Variants in OLFM1 observed in about 807,000 individuals in gnomAD.
OLFM1 encodes noelin.
In OLFM1, 9 loss-of-function variants were observed where a neutral mutation model predicts 49.7. That is an observed-to-expected ratio of 0.18 (90% CI 0.11 to 0.32). The LOEUF (loss-of-function observed/expected upper bound fraction) is 0.32. Among genes scored for constraint, OLFM1 ranks in the 10% least tolerant of loss-of-function variants. The pLI, the probability that OLFM1 is intolerant of heterozygous loss-of-function variation, is 1.00. For synonymous variants in OLFM1, 240 were observed against 271.8 expected, an observed-to-expected ratio of 0.88 and a Z score of 1.15; for missense variants, 369 against 661.8, an observed-to-expected ratio of 0.56 and a Z score of 4.85.
chr9:135,077,074 G>A, intron 1 of OLFM1: 3 of 1,364,192 alleles, frequency 2.2e-6, no homozygotes, highest in Non-Finnish European at 2.9e-6. Flanking sequence ...TCTAGGAGAG[G>A]TTTTCTTGGC....
At chr9:135,091,491 ACACACACATTCACACAGTCT>A (rs1830685986) in intron 2 of OLFM1, among the ~76,000 whole-genome samples, 1 of 147,880 alleles carries the variant, frequency 6.8e-6, no homozygotes, top group South Asian at 2.2e-4. Flanking sequence ...ACACATAGTC[ACACACACATTCACACAGTCT>A]CACACACACA....
chr9:135,114,135 T>TTTTC, intron 5 of OLFM1, among the ~76,000 whole-genome samples: 1 of 115,696 alleles, frequency 8.6e-6, no homozygotes, highest in South Asian at 2.8e-4. Context: ...TTTTTTTTTT[T>TTTTC]TTTTTTTTTT....
chr9:135,083,494 C>T (rs1830558066), upstream of OLFM1, among the ~76,000 whole-genome samples: 1 of 152,176 alleles, frequency 6.6e-6, no homozygotes, highest in Non-Finnish European at 1.5e-5. Flanking sequence ...GAGGAAACGT[C>T]CCCCAGCAAC....
intron 3 of OLFM1, among the ~76,000 whole-genome samples, chr9:135,097,297 T>C (rs1258215295): frequency 6.6e-6 from 1 of 152,214 alleles, no homozygotes; most frequent in East Asian, 1.9e-4. Flanking sequence ...CCGATTGTGC[T>C]CATCAGAGGC....
chr9:135,086,819 C>A (rs1830603227), upstream of OLFM1: 1 of 429,866 alleles, frequency 2.3e-6, no homozygotes, highest in Non-Finnish European at 4.7e-6. Context: ...TCGAGCGCCA[C>A]CCCTGAGTCA....
chr9:135,095,708 G>A (rs754076228), intron 2 of OLFM1, among the ~76,000 whole-genome samples, 156 bp from the exon 3 acceptor site: 3 of 152,118 alleles, frequency 2.0e-5, no homozygotes, highest in Admixed American at 6.6e-5. Context: ...CTCACAGTCC[G>A]CGATGCTGGC....
intron 1 of OLFM1, chr9:135,077,475 T>A: frequency 2.2e-6 from 1 of 446,982 alleles, no homozygotes; most frequent in Non-Finnish European, 3.8e-6. Context: ...CTTGTCTCAG[T>A]GGTGAAAGTA....
chr9:135,109,924 T>G (rs1235625671), intron 5 of OLFM1, among the ~76,000 whole-genome samples: 1 of 152,116 alleles, frequency 6.6e-6, no homozygotes, highest in East Asian at 1.9e-4. Flanking sequence ...TGCTAAGCTG[T>G]CAGAACAAGG....
rs764590246 is a variant in OLFM1, at chr9:135,095,855, T to C, written c.301-9T>C. On this transcript the variant is annotated splice_polypyrimidine_tract_variant and intron_variant, in intron 2 of 5. Transcript: ENST00000371793. Reference sequence around the variant, plus strand: ...GGCTGTTTTGCTGAACCTGTTGCCCTTTTGACAGGTGCAGAACATGTCTCA... The same window carrying C: ...GGCTGTTTTGCTGAACCTGTTGCCCCTTTGACAGGTGCAGAACATGTCTCA... The C allele has an allele frequency of 6.8e-6, 11 of 1,612,010 alleles. No individual in the cohort carries two copies. The highest frequency in any genetic ancestry group is 8.5e-6 in the Non-Finnish European group (10 of 1,178,912).
upstream of OLFM1, among the ~76,000 whole-genome samples, chr9:135,083,736 C>T (rs938714973): frequency 1.3e-5 from 2 of 152,254 alleles, no homozygotes; most frequent in Non-Finnish European, 2.9e-5. Context: ...CTCTGGCTCA[C>T]ATGTCCTGTC....
At chr9:135,099,617 A>G (rs1214734504) in intron 4 of OLFM1, among the ~76,000 whole-genome samples, 2 of 152,226 alleles carry the variant, frequency 1.3e-5, no homozygotes, top group Non-Finnish European at 2.9e-5. Context: ...TCCTCAGTGA[A>G]CGCACAAAGC....
intron 5 of OLFM1, among the ~76,000 whole-genome samples, chr9:135,116,411 A>G (rs11790794): frequency 0.15 from 22,759 of 151,894 alleles, 1,923 homozygotes; most frequent in African/African-American, 0.23. Context: ...ATCCTGTGTC[A>G]TTTTGCTGGT....
rs1368600876 is a variant in OLFM1, at chr9:135,095,885, A to T, written c.322A>T (p.Ile108Leu). 6.8e-6 allele frequency: 11 copies of T among 1,613,116 alleles called. No individual in the cohort carries two copies. The highest frequency in any genetic ancestry group is 9.3e-6 in the Non-Finnish European group (11 of 1,179,526). Residue 108 changes from isoleucine to leucine, a missense_variant, in exon 3 of 6, where the codon ATA becomes TTA. Around this residue, in one of 3 missense-constraint regions of OLFM1, gnomAD observed 294 missense variants for 567.5 expected, o/e 0.52. Transcript: ENST00000371793. ...LEKVQNMSQS[I>L]EVLDRRTQRD... The stretch of plus-strand genomic sequence containing the variant: ...ACAGGTGCAGAACATGTCTCAATCC[A>T]TAGAGGTCTTGGACAGGCGGACCCA...
At chr9:135,099,593 C>T (rs534828741) in intron 4 of OLFM1, among the ~76,000 whole-genome samples, 9 of 152,280 alleles carry the variant, frequency 5.9e-5, no homozygotes, top group East Asian at 5.8e-4. Context: ...GATTTTTAAA[C>T]GCTCTTCTAG....
intron 2 of OLFM1, among the ~76,000 whole-genome samples, chr9:135,094,591 C>T (rs1339737069): frequency 6.6e-6 from 1 of 151,998 alleles, no homozygotes; most frequent in African/African-American, 2.4e-5. Context: ...CCGTCGTGTA[C>T]TTTACAAACT....
At chr9:135,076,437 A>G (rs1830467399) in intron 1 of OLFM1, 15 of 1,449,114 alleles carry the variant, frequency 1.0e-5, no homozygotes, top group Non-Finnish European at 1.3e-5. Context: ...GATCGTGGGC[A>G]TTTCAAACGG....
upstream of OLFM1, among the ~76,000 whole-genome samples, chr9:135,085,529 G>A (rs771438737): frequency 6.6e-6 from 1 of 152,244 alleles, no homozygotes; most frequent in Non-Finnish European, 1.5e-5. Flanking sequence ...GTAAGGATTG[G>A]GTGCCAGGCA....
chr9:135,100,089 G>C (rs181881756), intron 4 of OLFM1, among the ~76,000 whole-genome samples: 1 of 152,254 alleles, frequency 6.6e-6, no homozygotes, highest in East Asian at 1.9e-4. Context: ...CAGTGGTGGG[G>C]TCTTTTTGTT....
intron 2 of OLFM1, among the ~76,000 whole-genome samples, chr9:135,091,726 CAT>C (rs1401877793): frequency 1.8e-3 from 25 of 14,176 alleles, no homozygotes; most frequent in African/African-American, 4.8e-3. Flanking sequence ...GTCACACACT[CAT>C]AGTCACACAC....
Sources: gnomAD v4.1 joint callset for allele counts (sites outside exome capture counted in the v4.1 genomes callset) on GRCh38, gnomAD v4.1.1 for gene constraint, gnomAD v4.1.1 regional missense constraint, MANE v1.5 for transcripts, NCBI Gene and HGNC (gene_info 2026-07-23, HGNC 2026-07-21) for gene names.